The following PMVK variants were observed in gnomAD, a reference collection of about 807,000 sequenced individuals.
PMVK encodes phosphomevalonate kinase.
A neutral mutation model predicts 19.0 loss-of-function variants in PMVK; 10 were observed. That is an observed-to-expected ratio of 0.53 (90% CI 0.32 to 0.89). PMVK has a LOEUF of 0.89. Among genes scored for constraint, PMVK ranks in the 40% least tolerant of loss-of-function variants. PMVK has a pLI of 0.03. For missense variants in PMVK, 222 were observed against 251.1 expected, an observed-to-expected ratio of 0.88 and a Z score of 0.78; for synonymous variants, 108 against 101.6, an observed-to-expected ratio of 1.06 and a Z score of -0.38.
upstream of PMVK, chr1:154,936,976 C>T (rs1339523049): frequency 2.6e-6 from 1 of 381,786 alleles, no homozygotes; most frequent in East Asian, 4.9e-5. Context: ...ACAGTCCAGC[C>T]CCGCCCAGAA....
upstream of PMVK, chr1:154,937,728 T>G (rs1654555715): frequency 6.6e-6 from 1 of 152,164 alleles, no homozygotes. Context: ...AGAGAAAAAG[T>G]GTAGTGTGGA....
intron 1 of PMVK, among the ~76,000 whole-genome samples, 176 bp from the exon 2 acceptor site, chr1:154,932,591 C>A (rs1013404401): frequency 6.6e-6 from 1 of 152,194 alleles, no homozygotes; most frequent in African/African-American, 2.4e-5. Flanking sequence ...GGGGATAACA[C>A]TTTCTGTTCT....
At chr1:154,932,279 G>C in intron 2 of PMVK, 73 bp downstream of exon 2, 2 of 1,078,646 alleles carry the variant, frequency 1.9e-6, no homozygotes, top group Non-Finnish European at 2.9e-6. Context: ...CAGTGACTCA[G>C]GCAGCAGCCA....
chr1:154,940,980 C>T (rs188135636), upstream of PMVK, among the ~76,000 whole-genome samples: 78 of 152,332 alleles, frequency 5.1e-4, no homozygotes, highest in African/African-American at 1.6e-3. Context: ...TGACTCATCT[C>T]ACCCTCGGGA....
chr1:154,930,957 C>T (rs1654316640), intron 2 of PMVK, among the ~76,000 whole-genome samples: 2 of 151,708 alleles, frequency 1.3e-5, no homozygotes, highest in Non-Finnish European at 2.9e-5. Flanking sequence ...GGCATAGTGG[C>T]ATGCACCTGT....
Position 154,929,105 on chromosome 1 carries a change from G to A in PMVK, c.231C>T (p.Ile77=). Residue 77 remains isoleucine, a synonymous_variant, in exon 3 of 5, where the codon ATC becomes ATT. Coordinates refer to ENST00000368467, the MANE Select transcript of PMVK (RefSeq NM_006556.4). ...TYKEAFRKDM[I]RWGEEKRQAD... The stretch of plus-strand genomic sequence containing the variant: ...CCTGGCGTTTCTCCTCTCCCCAGCG[G>A]ATCATGTCCTTCCGAAAGGCCTCCT... 1 of 1,614,074 alleles carries A rather than the reference G, an allele frequency of 6.2e-7. No individual in the cohort carries two copies. Among genetic ancestry groups the A allele is most frequent in the Non-Finnish European group, 8.5e-7 (1 of 1,179,904 alleles).
intron 3 of PMVK, among the ~76,000 whole-genome samples, chr1:154,928,143 C>T (rs766505558): frequency 2.3e-4 from 35 of 152,302 alleles, no homozygotes; most frequent in Admixed American, 5.9e-4. Context: ...CAGGGAGCAC[C>T]AGTTAAGACC....
At chr1:154,931,754 T>A (rs6689022) in intron 2 of PMVK, among the ~76,000 whole-genome samples, 2 of 151,470 alleles carry the variant, frequency 1.3e-5, no homozygotes, top group African/African-American at 4.9e-5. Context: ...CACTGTTCTA[T>A]ATCTTGGTAT....
chr1:154,927,404 C>T (rs1571378398), intron 3 of PMVK, among the ~76,000 whole-genome samples: 1 of 146,172 alleles, frequency 6.8e-6, no homozygotes, highest in African/African-American at 2.6e-5. Context: ...GCTGAGATCG[C>T]GCCACCGCAC....
chr1:154,936,725 T>C, upstream of PMVK: 2 of 1,526,018 alleles, frequency 1.3e-6, no homozygotes, highest in Non-Finnish European at 1.8e-6. Context: ...CTGACACTTC[T>C]CCCTACCCCT....
In PMVK at chr1:154,933,613, C is replaced by T. The variant is rs560207376; in HGVS notation, c.96-1198G>A. ...GGTTTGAGCGATTCTCCTGCCTCGG[C>T]CTCCCAAGTAGCTGGGATTACAGGC... is the stretch of plus-strand genomic sequence containing the variant. On this transcript the variant is annotated intron_variant, in intron 1 of 4. Transcript: ENST00000368467. Among the ~76,000 whole-genome samples the T allele has an allele frequency of 9.4e-4, 141 of 149,912 alleles. 1 individual carries two copies. Among genetic ancestry groups the T allele is most frequent in the Admixed American group, 1.7e-3 (25 of 15,092 alleles).
chr1:154,936,330 G>A (rs1558033288), intron 1 of PMVK: 6 of 925,882 alleles, frequency 6.5e-6, no homozygotes, highest in Non-Finnish European at 7.7e-6. Flanking sequence ...AAGTGCCTTC[G>A]TAGGAACCAT....
chr1:154,935,056 C>T (rs1654459848), intron 1 of PMVK, among the ~76,000 whole-genome samples: 1 of 82,242 alleles, frequency 1.2e-5, no homozygotes, highest in South Asian at 4.5e-4. Flanking sequence ...AAGACTCCGT[C>T]TCAAAAAAAA....
At chr1:154,939,388 GAA>G (rs1654593902), upstream of PMVK, among the ~76,000 whole-genome samples, 1 of 152,068 alleles carries the variant, frequency 6.6e-6, no homozygotes, top group Non-Finnish European at 1.5e-5. Flanking sequence ...CAACCCAGGG[GAA>G]AAAAGTTAAA....
chr1:154,929,001 A>G (rs1654254483), intron 3 of PMVK, 23 bp downstream of exon 3: 1 of 1,609,148 alleles, frequency 6.2e-7, no homozygotes. Context: ...GGTGTTCTTC[A>G]TGCTGCCATG....
chr1:154,928,763 A>T (rs761471867), intron 3 of PMVK, among the ~76,000 whole-genome samples: 2 of 146,440 alleles, frequency 1.4e-5, no homozygotes, highest in Non-Finnish European at 3.0e-5. Context: ...CAAGTGTGAG[A>T]CTCCATCTCA....
chr1:154,937,635 G>C (rs1269756424), upstream of PMVK: 1 of 151,672 alleles, frequency 6.6e-6, no homozygotes, highest in East Asian at 1.9e-4. Flanking sequence ...TGAGTACGTC[G>C]AGTTGTTTTT....
In PMVK at chr1:154,925,087, C is replaced by A; in HGVS notation, c.*42G>T. On this transcript the variant is annotated 3_prime_UTR_variant, in exon 5 of 5. Transcript: ENST00000368467. ...CCCCATTTTGCAGAGTCAGCCCCACCCCCACCTCAGCAGGCCCCAGCTCAC... is the reference window on the plus strand; with the variant it reads ...CCCCATTTTGCAGAGTCAGCCCCACACCCACCTCAGCAGGCCCCAGCTCAC... The A allele has an allele frequency of 1.4e-6, 2 of 1,433,768 alleles. No individual in the cohort carries two copies. The highest frequency in any genetic ancestry group is 1.9e-6 in the Non-Finnish European group (2 of 1,042,602). 88.8% of individuals were successfully genotyped at this position (1,433,768 alleles called of 1,614,324 possible).
Position 154,925,033 on chromosome 1 carries a change from T to G in PMVK, c.*96A>C. 1 of 943,270 alleles carries G rather than the reference T, an allele frequency of 1.1e-6. No homozygotes were observed. The highest frequency in any genetic ancestry group is 1.5e-6 in the Non-Finnish European group (1 of 670,996). The allele number at this position is 943,270 out of a possible 1,614,324, so 58.4% of individuals were successfully genotyped here. On this transcript the variant is annotated 3_prime_UTR_variant, in exon 5 of 5. Coordinates refer to ENST00000368467, the MANE Select transcript of PMVK (RefSeq NM_006556.4). ...CAGAATCTAGACCCCCCCTGTCTGT[T>G]CCTCACCTCGGCCAGGATCGGGGGA...
Sources: allele counts gnomAD v4.1 joint callset (sites outside exome capture counted in the v4.1 genomes callset), GRCh38; gene constraint gnomAD v4.1.1; transcripts MANE v1.5; gene names NCBI Gene and HGNC (gene_info 2026-07-23, HGNC 2026-07-21).